Variants in ABLIM1 observed in about 807,000 individuals in gnomAD.
ABLIM1 encodes actin-binding LIM protein 1.
A neutral mutation model predicts 107.0 loss-of-function variants in ABLIM1; 40 were observed. The observed-to-expected ratio is 0.37, with a 90% CI of 0.29 to 0.49. The LOEUF is 0.49. Among genes scored for constraint, ABLIM1 ranks in the 20% least tolerant of loss-of-function variants. The probability of loss-of-function intolerance (pLI) is 0.97; values close to 1 mark genes in which losing one functional copy is unlikely to be tolerated. For synonymous variants in ABLIM1, 357 were observed against 357.3 expected (o/e 1.00, Z 0.01); for missense variants, 857 against 1,008.5 (o/e 0.85, Z 2.04).
chr10:114,515,120 C>G (rs909806556), intron 6 of ABLIM1, among the ~76,000 whole-genome samples: 1 of 152,198 alleles, frequency 6.6e-6, no homozygotes, highest in Non-Finnish European at 1.5e-5. Context: ...TGACAAGGGT[C>G]ATTTAAGTGA....
Position 114,684,334 on chromosome 10 carries a change from AT to A in ABLIM1, c.19del (p.Met7Ter). The A allele has an allele frequency of 6.2e-7, 1 of 1,614,128 alleles. No individual in the cohort carries two copies. Among genetic ancestry groups the A allele is most frequent in the Non-Finnish European group, 8.5e-7 (1 of 1,180,000 alleles). ...GTGATGAGGGTCCGTGAGCTCAGTC[AT>A]TTCCAAGGTCATTAACATGCACAAA... On this transcript the variant is annotated frameshift_variant, in exon 1 of 24. Transcript: ENST00000369256. LOFTEE classifies it high-confidence loss of function.
intron 6 of ABLIM1, among the ~76,000 whole-genome samples, chr10:114,524,897 G>A (rs375584801): frequency 6.6e-6 from 1 of 152,194 alleles, no homozygotes; most frequent in African/African-American, 2.4e-5. Flanking sequence ...AAAACCAAAT[G>A]GTCAGGCAAA....
At chr10:114,540,624 GA>G (rs1184107820) in intron 6 of ABLIM1, among the ~76,000 whole-genome samples, 1 of 152,130 alleles carries the variant, frequency 6.6e-6, no homozygotes, top group Non-Finnish European at 1.5e-5. Context: ...AGTCACTCAG[GA>G]ATGAGTGACA....
intron 5 of ABLIM1, 107 bp downstream of exon 5, chr10:114,547,543 C>A: frequency 1.4e-6 from 2 of 1,436,280 alleles, no homozygotes; most frequent in East Asian, 4.7e-5. Flanking sequence ...AGGATGTGAA[C>A]AATTTCAGCA....
At chr10:114,485,944 T>C (rs1190380199) in intron 8 of ABLIM1, among the ~76,000 whole-genome samples, 1 of 152,226 alleles carries the variant, frequency 6.6e-6, no homozygotes, top group Non-Finnish European at 1.5e-5. Flanking sequence ...AACATCAGTG[T>C]GAACCCCGGC....
intron 6 of ABLIM1, among the ~76,000 whole-genome samples, chr10:114,531,760 C>A (rs574883188): frequency 9.9e-5 from 15 of 152,212 alleles, no homozygotes; most frequent in African/African-American, 2.9e-4. Context: ...TCGTGATCTG[C>A]CTGCCTCGGC....
rs554518395 is a variant in ABLIM1 at position 114,707,568 on chromosome 10, A to G, written c.-213+60493T>C. Among the ~76,000 whole-genome samples the G allele has an allele frequency of 6.6e-6, 1 of 152,158 alleles. No homozygotes were observed. Among genetic ancestry groups the G allele is most frequent in the East Asian group, 1.9e-4 (1 of 5,160 alleles). ...TAATGACAAATTTGCTAAACCATCA[A>G]TCCTGCTGCCCCTGGCTTCCTGAGT... On this transcript the variant is annotated intron_variant, in intron 1 of 15. Transcript: ENST00000651092. The surrounding 1 kb of genome is among the most constrained non-coding windows in gnomAD (Gnocchi z 4.1).
At chr10:114,651,943 T>G (rs17092207) in intron 1 of ABLIM1, among the ~76,000 whole-genome samples, 1 of 152,144 alleles carries the variant, frequency 6.6e-6, no homozygotes, top group African/African-American at 2.4e-5. Context: ...CAGCAGCAGA[T>G]GCCGGTCACT....
intron 6 of ABLIM1, among the ~76,000 whole-genome samples, chr10:114,514,219 G>A (rs903228826): frequency 4.6e-5 from 7 of 151,930 alleles, no homozygotes; most frequent in African/African-American, 1.7e-4. Context: ...AATGGGAGGG[G>A]GAAAGGGGAG....
chr10:114,589,769 CT>C (rs1321033544), intron 2 of ABLIM1, among the ~76,000 whole-genome samples: 3 of 152,034 alleles, frequency 2.0e-5, no homozygotes, highest in Admixed American at 1.3e-4. Context: ...GAGTCAAAAA[CT>C]TTTTAAAAAT....
rs150996070 is a variant in ABLIM1, at chr10:114,447,884, G to A, written c.1731C>T (p.Val577=). 289 of 1,613,902 alleles carry A rather than the reference G, an allele frequency of 1.8e-4. 5 individuals are homozygous for A. In the South Asian group the frequency reaches 2.3e-3, roughly 13 times the overall value. ...TTAGCCGTGACAGTTGCATACCTAC[G>A]ACAGCAAATGAGGGGGGACCAGGCC... The part of the protein sequence containing the change: ...DHWPGPPSFA[V]VGPDMKRRSS... The change falls in exon 15 of 23, where the codon GTC becomes GTT. Residue 577 remains valine, a synonymous_variant. Transcript: ENST00000533213.
chr10:114,564,974 C>T (rs891589387), intron 4 of ABLIM1, among the ~76,000 whole-genome samples: 1 of 152,134 alleles, frequency 6.6e-6, no homozygotes, highest in African/African-American at 2.4e-5. Flanking sequence ...TCACAACTAC[C>T]TTATGAGAAG....
intron 4 of ABLIM1, among the ~76,000 whole-genome samples, chr10:114,565,963 T>A (rs2070680683): frequency 6.6e-6 from 1 of 151,742 alleles, no homozygotes; most frequent in African/African-American, 2.4e-5. Flanking sequence ...CCTCGCTAAT[T>A]TTTTTGTATT....
intron 1 of ABLIM1, among the ~76,000 whole-genome samples, chr10:114,710,759 C>T (rs1452617043): frequency 4.6e-5 from 7 of 152,030 alleles, no homozygotes; most frequent in South Asian, 2.1e-4. Flanking sequence ...CCAGCCTGGG[C>T]GACAGAGCCC....
chr10:114,544,252 G>A (rs765374023), intron 6 of ABLIM1, among the ~76,000 whole-genome samples: 15 of 152,174 alleles, frequency 9.9e-5, no homozygotes, highest in African/African-American at 3.4e-4. Flanking sequence ...TACTCTCCAC[G>A]CTGGCAGGTG....
rs757686795 is a variant in ABLIM1 at position 114,632,638 on chromosome 10, G to A, written c.244+25319C>T. On this transcript the variant is annotated intron_variant, in intron 1 of 22. Transcript: ENST00000533213. ...GGAAGGTAGAGACTGAGAGACAGCC[G>A]GGGAAGAGGATCTTTCAGGATTCTA... The A allele has an allele frequency of 1.1e-5, 11 of 985,258 alleles. 1 individual carries two copies. Among genetic ancestry groups the A allele is most frequent in the African/African-American group, 1.7e-5 (1 of 57,216 alleles). The allele number at this position is 985,258 out of a possible 1,614,324, so 61.0% of individuals were successfully genotyped here.
chr10:114,625,004 T>C (rs1446393018), intron 1 of ABLIM1, among the ~76,000 whole-genome samples: 1 of 152,166 alleles, frequency 6.6e-6, no homozygotes, highest in African/African-American at 2.4e-5. Context: ...TTGAGTAGTG[T>C]GAATGTCACT....
At chr10:114,491,929 C>T (rs963405599) in intron 6 of ABLIM1, 51 bp from the exon 7 acceptor site, 2 of 1,389,204 alleles carry the variant, frequency 1.4e-6, no homozygotes, top group African/African-American at 2.9e-5. Flanking sequence ...TCATGGATTC[C>T]AGAATCTTTT....
upstream of ABLIM1, among the ~76,000 whole-genome samples, chr10:114,688,706 T>C (rs1245592190): frequency 6.6e-6 from 1 of 152,150 alleles, no homozygotes; most frequent in Non-Finnish European, 1.5e-5. Context: ...AGGAGTACAG[T>C]TGGGATTTGG....
Sources: allele counts gnomAD v4.1 joint callset (sites outside exome capture counted in the v4.1 genomes callset), GRCh38; gene constraint gnomAD v4.1.1; non-coding constraint Gnocchi (gnomAD v3.1); transcripts MANE v1.5; gene names NCBI Gene and HGNC (gene_info 2026-07-23, HGNC 2026-07-21).